SLX4IP: variants seen among roughly 807,000 people sequenced by gnomAD.
The protein encoded by SLX4IP is protein SLX4IP.
SLX4IP carries 34 observed loss-of-function variants against 32.9 expected under a neutral mutation model. That is an observed-to-expected ratio of 1.03 (90% CI 0.79 to 1.38). SLX4IP has a LOEUF of 1.38. Ranked by LOEUF, SLX4IP falls within the 40% of genes most tolerant of loss-of-function variation. SLX4IP has a pLI of 0.00. For synonymous variants in SLX4IP, 172 were observed against 171.7 expected (o/e 1.00, Z -0.01); for missense variants, 444 against 479.0 (o/e 0.93, Z 0.68).
chr20:10,529,799 T>C (rs1387632040), intron 2 of SLX4IP, among the ~76,000 whole-genome samples: 1 of 152,104 alleles, frequency 6.6e-6, no homozygotes, highest in African/African-American at 2.4e-5. Flanking sequence ...CAAGCCAAAA[T>C]GAACAGAGTT....
At chr20:10,513,081 G>C (rs1204091380) in intron 2 of SLX4IP, among the ~76,000 whole-genome samples, 1 of 151,978 alleles carries the variant, frequency 6.6e-6, no homozygotes, top group Non-Finnish European at 1.5e-5. Flanking sequence ...TCCAGGAAGA[G>C]GTCCTGGCAG....
intron 2 of SLX4IP, among the ~76,000 whole-genome samples, chr20:10,508,730 G>A (rs1019694496): frequency 6.6e-6 from 1 of 152,108 alleles, no homozygotes. Flanking sequence ...ATCCCTTCTT[G>A]CTGTTGTCAG....
At chr20:10,547,070 G>T (rs111592632) in intron 2 of SLX4IP, among the ~76,000 whole-genome samples, 1 of 152,068 alleles carries the variant, frequency 6.6e-6, no homozygotes, top group South Asian at 2.1e-4. Flanking sequence ...TTTATTCCAC[G>T]CAGTACTTTG....
intron 4 of SLX4IP, among the ~76,000 whole-genome samples, chr20:10,570,769 C>T (rs1005593821): frequency 6.6e-6 from 1 of 152,002 alleles, no homozygotes; most frequent in Non-Finnish European, 1.5e-5. Flanking sequence ...CCTCAAGTGA[C>T]CCACCCGCCT....
chr20:10,556,796 A>G (rs2066271519), intron 3 of SLX4IP, among the ~76,000 whole-genome samples: 1 of 152,208 alleles, frequency 6.6e-6, no homozygotes, highest in African/African-American at 2.4e-5. Flanking sequence ...GTCAGGAAAT[A>G]CTTGACGGTG....
At chr20:10,618,022 G>A (rs961500872) in intron 6 of SLX4IP, among the ~76,000 whole-genome samples, 4 of 152,192 alleles carry the variant, frequency 2.6e-5, no homozygotes, top group African/African-American at 7.2e-5. Context: ...GCTCATCCTG[G>A]TGGGGACTCT....
At chr20:10,555,923 C>T (rs1284955221) in intron 2 of SLX4IP, among the ~76,000 whole-genome samples, 1 of 152,222 alleles carries the variant, frequency 6.6e-6, no homozygotes, top group Non-Finnish European at 1.5e-5. Context: ...CTCGATGCTT[C>T]ACGTCTTCCA....
intron 2 of SLX4IP, among the ~76,000 whole-genome samples, chr20:10,534,213 C>T (rs996021588): frequency 2.0e-5 from 3 of 152,142 alleles, no homozygotes; most frequent in African/African-American, 7.2e-5. Flanking sequence ...TAGAACTGCA[C>T]TGGGACCCAG....
intron 2 of SLX4IP, among the ~76,000 whole-genome samples, chr20:10,550,757 T>C (rs926867280): frequency 1.3e-5 from 2 of 152,212 alleles, no homozygotes; most frequent in African/African-American, 2.4e-5. Flanking sequence ...ACGCGAGCTC[T>C]TTCTCTGCAT....
chr20:10,614,789 T>C (rs1190184477), intron 6 of SLX4IP, among the ~76,000 whole-genome samples: 1 of 152,100 alleles, frequency 6.6e-6, no homozygotes, highest in African/African-American at 2.4e-5. Context: ...TGCCCCCATT[T>C]CTCTGTTCTC....
intron 2 of SLX4IP, among the ~76,000 whole-genome samples, chr20:10,535,613 G>A (rs117533082): frequency 0.018 from 2,784 of 152,234 alleles, 34 homozygotes; most frequent in Non-Finnish European, 0.03. Context: ...GAGCTACTGC[G>A]CCCGGCCCAA....
intron 4 of SLX4IP, among the ~76,000 whole-genome samples, chr20:10,575,086 G>A (rs950984960): frequency 6.6e-6 from 1 of 152,130 alleles, no homozygotes; most frequent in African/African-American, 2.4e-5. Context: ...TCCCCACTGG[G>A]GTCAGGTAGA....
In SLX4IP at chr20:10,625,651, G is replaced by A. The variant is rs2067163692; in HGVS notation, c.*2272G>A. 1 of 152,058 alleles carries A rather than the reference G, an allele frequency of 6.6e-6. No homozygotes were observed. The highest frequency in any genetic ancestry group is 2.4e-5 in the African/African-American group (1 of 41,384). 9.4% of individuals were successfully genotyped at this position (152,058 alleles called of 1,614,324 possible). A position where few individuals can be genotyped will look rare whatever the true frequency, so the allele number is the denominator to read the frequency against. ...TGGCTTTAGAGTTTGTTATAGTTGG[G>A]GATATAACAATTACTGTGATCGAAG... On this transcript the variant is annotated 3_prime_UTR_variant, in exon 8 of 8. Transcript: ENST00000334534.
At chr20:10,589,747 C>T (rs1455371547) in intron 4 of SLX4IP, among the ~76,000 whole-genome samples, 1 of 151,690 alleles carries the variant, frequency 6.6e-6, no homozygotes, top group African/African-American at 2.4e-5. Flanking sequence ...CATATGATTT[C>T]GTTTTTGTAG....
At chr20:10,469,865 T>C (rs759845932) in intron 2 of SLX4IP, among the ~76,000 whole-genome samples, 76 of 152,332 alleles carry the variant, frequency 5.0e-4, no homozygotes, top group Non-Finnish European at 9.3e-4. Flanking sequence ...ATCCCTAGCC[T>C]TTTATGAATG....
chr20:10,540,096 TTTCCTTCCTTCCTTCC>T (rs61054747), intron 2 of SLX4IP, among the ~76,000 whole-genome samples: 191 of 111,808 alleles, frequency 1.7e-3, no homozygotes, highest in African/African-American at 5.8e-3. Flanking sequence ...CCTTCCTTCC[TTTCCTTCCTTCCTTCC>T]TTCCTTCCTT....
At chr20:10,612,465 T>A (rs2066977746) in intron 6 of SLX4IP, among the ~76,000 whole-genome samples, 2 of 152,202 alleles carry the variant, frequency 1.3e-5, no homozygotes, top group South Asian at 4.1e-4. Flanking sequence ...CGAGAAGCAG[T>A]AACATTTTGA....
chr20:10,543,266 G>A (rs979506243), intron 2 of SLX4IP, among the ~76,000 whole-genome samples: 2 of 152,194 alleles, frequency 1.3e-5, no homozygotes, highest in Non-Finnish European at 2.9e-5. Context: ...GACCTGAACT[G>A]GAAGAATGGA....
chr20:10,465,294 C>T (rs1040710547), intron 2 of SLX4IP, among the ~76,000 whole-genome samples: 1 of 152,140 alleles, frequency 6.6e-6, no homozygotes, highest in Non-Finnish European at 1.5e-5. Flanking sequence ...TTACAGCCCA[C>T]ATGCCAGCTG....
Sources: allele counts gnomAD v4.1 joint callset (sites outside exome capture counted in the v4.1 genomes callset), GRCh38; gene constraint gnomAD v4.1.1; transcripts MANE v1.5; gene names NCBI Gene and HGNC (gene_info 2026-07-23, HGNC 2026-07-21).